Variants in CLIC5 observed in about 807,000 individuals in gnomAD.
CLIC5 encodes chloride intracellular channel protein 5.
A neutral mutation model predicts 24.7 loss-of-function variants in CLIC5; 20 were observed. The observed-to-expected ratio is 0.81, with a 90% CI of 0.57 to 1.18. CLIC5 has a LOEUF of 1.18. Ranked by LOEUF, CLIC5 falls within the 50% of genes most tolerant of loss-of-function variation. The probability of loss-of-function intolerance (pLI) is 0.00; values close to 1 mark genes in which losing one functional copy is unlikely to be tolerated. For missense variants in CLIC5, 341 were observed against 326.1 expected (o/e 1.05, Z -0.35); for synonymous variants, 159 against 135.6 (o/e 1.17, Z -1.20).
At chr6:46,005,245 G>A (rs778460747) in intron 1 of CLIC5, among the ~76,000 whole-genome samples, 46 of 152,114 alleles carry the variant, frequency 3.0e-4, no homozygotes, top group Non-Finnish European at 5.6e-4. Flanking sequence ...TTCCCCTTTT[G>A]TGTTATTTCT....
exon 1 of CLIC5, chr6:46,079,731 A>T (rs543753653): frequency 1.4e-5 from 21 of 1,551,618 alleles, no homozygotes; most frequent in Non-Finnish European, 1.6e-5. Flanking sequence ...CTCAGGGTTC[A>T]TGTGAGCTCC....
chr6:45,951,289 G>A (rs140039410), intron 2 of CLIC5, among the ~76,000 whole-genome samples: 5 of 152,268 alleles, frequency 3.3e-5, no homozygotes, highest in African/African-American at 1.2e-4. Flanking sequence ...CTGAAAGAAA[G>A]GCCTAGATGA....
chr6:46,006,111 T>TAC (rs1283851772), intron 1 of CLIC5, among the ~76,000 whole-genome samples: 1 of 28,694 alleles, frequency 3.5e-5, no homozygotes, highest in East Asian at 1.4e-3. Flanking sequence ...TATATATATA[T>TAC]ACACATGTAT....
At chr6:46,046,941 G>A (rs145085422) in intron 1 of CLIC5, among the ~76,000 whole-genome samples, 39 of 152,294 alleles carry the variant, frequency 2.6e-4, no homozygotes, top group Admixed American at 4.6e-4. Flanking sequence ...CTGACCTAAC[G>A]CAAGGATGAT....
chr6:45,923,001 C>A (rs1177009539), intron 4 of CLIC5, among the ~76,000 whole-genome samples: 1 of 152,124 alleles, frequency 6.6e-6, no homozygotes, highest in African/African-American at 2.4e-5. Context: ...AACAAACAAA[C>A]AAACAAAAAA....
At chr6:45,995,741 A>G (rs1766110674) in intron 1 of CLIC5, among the ~76,000 whole-genome samples, 1 of 152,206 alleles carries the variant, frequency 6.6e-6, no homozygotes, top group African/African-American at 2.4e-5. Flanking sequence ...CTGAGACTGG[A>G]TAAAGAAATG....
intron 1 of CLIC5, among the ~76,000 whole-genome samples, chr6:46,033,758 G>A (rs1581885277): frequency 6.6e-6 from 1 of 152,212 alleles, no homozygotes; most frequent in African/African-American, 2.4e-5. Context: ...TTTGTATTTG[G>A]GAGAGTCTTT....
chr6:45,942,235 A>G (rs1301217804), intron 3 of CLIC5, among the ~76,000 whole-genome samples: 2 of 152,198 alleles, frequency 1.3e-5, no homozygotes, highest in Admixed American at 1.3e-4. Context: ...CCAAGCTCCA[A>G]AAAAGGACAT....
chr6:45,916,146 A>G (rs1763023652), intron 4 of CLIC5, among the ~76,000 whole-genome samples: 1 of 152,216 alleles, frequency 6.6e-6, no homozygotes, highest in African/African-American at 2.4e-5. Context: ...AGATAAATCA[A>G]TTGAACACTT....
chr6:46,024,819 T>A (rs1232658207), intron 1 of CLIC5, among the ~76,000 whole-genome samples: 1 of 152,060 alleles, frequency 6.6e-6, no homozygotes, highest in Non-Finnish European at 1.5e-5. Flanking sequence ...ATCAACACAG[T>A]GATACACTTT....
At chr6:46,076,287 A>G (rs1209041999) in intron 1 of CLIC5, among the ~76,000 whole-genome samples, 1 of 151,974 alleles carries the variant, frequency 6.6e-6, no homozygotes, top group Admixed American at 6.6e-5. Context: ...ACTTACCGTC[A>G]CTCTCCATCC....
chr6:46,083,076 CA>C (rs1762959080), upstream of CLIC5, among the ~76,000 whole-genome samples: 1 of 152,216 alleles, frequency 6.6e-6, no homozygotes, highest in African/African-American at 2.4e-5. Flanking sequence ...TTCACGAGAA[CA>C]AGGCCCATGC....
chr6:46,101,283 C>CAG, the CLIC5 span, among the ~76,000 whole-genome samples: 1 of 152,238 alleles, frequency 6.6e-6, no homozygotes, highest in Non-Finnish European at 1.5e-5. Flanking sequence ...ATCACTTCAT[C>CAG]ATGTCCTTGG....
chr6:45,991,994 A>C (rs1306072100), intron 1 of CLIC5, among the ~76,000 whole-genome samples: 6 of 152,230 alleles, frequency 3.9e-5, no homozygotes, highest in African/African-American at 1.4e-4. Context: ...ACTTATGATC[A>C]TAGCAAAAAT....
chr6:45,919,713 T>TTACCC (rs1265085292), intron 4 of CLIC5, among the ~76,000 whole-genome samples: 2 of 152,186 alleles, frequency 1.3e-5, no homozygotes, highest in Non-Finnish European at 2.9e-5. Context: ...TAGAACATCT[T>TTACCC]AGACAATAGG....
At chr6:46,087,828 A>G in the CLIC5 span, among the ~76,000 whole-genome samples, 1 of 152,184 alleles carries the variant, frequency 6.6e-6, no homozygotes, top group African/African-American at 2.4e-5. Flanking sequence ...AGATAAAGAC[A>G]ATGCTACATT....
Position 46,079,687 on chromosome 6 carries a change from C to A in CLIC5, c.540+16G>T, listed in dbSNP as rs1762872021. 1.9e-6 allele frequency: 3 copies of A among 1,542,962 alleles called. 1 individual carries two copies. The South Asian group carries it at 3.6e-5, about 19-fold the overall frequency. ...ATCTGCATGAACAGGGTATGCCTGT[C>A]AGAGGCAGACCTTACCTTCACAAAG... On this transcript the variant is annotated intron_variant, in intron 1 of 5. Coordinates refer to the CLIC5 transcript ENST00000185206.
Position 46,042,894 on chromosome 6 carries a change from A to G in CLIC5, c.540+36809T>C, listed in dbSNP as rs1327850761. Among the ~76,000 whole-genome samples, 3 of 152,276 alleles carry G rather than the reference A, an allele frequency of 2.0e-5. No homozygotes were observed. In the South Asian group the frequency reaches 6.2e-4, roughly 32 times the overall value. On this transcript the variant is annotated intron_variant, in intron 1 of 5. Coordinates refer to the CLIC5 transcript ENST00000185206. Reference sequence around the variant, plus strand: ...ACTCAGACCTTCTGTGCTCTACTACATGCCTCCCTCAACAGGTAAAACACA... The same window carrying G: ...ACTCAGACCTTCTGTGCTCTACTACGTGCCTCCCTCAACAGGTAAAACACA...
intron 1 of CLIC5, among the ~76,000 whole-genome samples, chr6:45,998,634 C>T (rs2127430859): frequency 6.6e-6 from 1 of 152,294 alleles, no homozygotes; most frequent in South Asian, 2.1e-4. Flanking sequence ...ATTCAGAATG[C>T]TTCATTTTAC....
Sources: allele counts gnomAD v4.1 joint callset (sites outside exome capture counted in the v4.1 genomes callset), GRCh38; gene constraint gnomAD v4.1.1; transcripts MANE v1.5; gene names NCBI Gene and HGNC (gene_info 2026-07-23, HGNC 2026-07-21).